Variants in CELF2 observed in about 807,000 individuals in gnomAD.
The protein encoded by CELF2 is CUGBP Elav-like family member 2, also known as CUG triplet repeat RNA-binding protein 2.
A neutral mutation model predicts 62.6 loss-of-function variants in CELF2; 8 were observed. The ratio of observed to expected loss-of-function variants is 0.13; its 90% CI spans 0.07 to 0.23. The LOEUF (loss-of-function observed/expected upper bound fraction) is 0.23. Ranked by LOEUF, CELF2 falls within the 10% of genes least tolerant of loss-of-function variation. The pLI is 1.00. For missense variants in CELF2, 333 were observed against 671.0 expected, an observed-to-expected ratio of 0.50 and a Z score of 5.56; for synonymous variants, 258 against 250.0, an observed-to-expected ratio of 1.03 and a Z score of -0.30.
At chr10:10,533,085 T>C in the CELF2 span, among the ~76,000 whole-genome samples, 1 of 152,208 alleles carries the variant, frequency 6.6e-6, no homozygotes, top group Non-Finnish European at 1.5e-5. Context: ...TGCAGATGGC[T>C]AAATTATGCT....
In CELF2 at chr10:11,280,989, CGTGT is replaced by C. The variant is rs60798946; in HGVS notation, c.841+5898_841+5901del. On this transcript the variant is annotated intron_variant, in intron 8 of 12. Coordinates refer to ENST00000633077, the MANE Select transcript of CELF2 (RefSeq NM_001326342.2). The surrounding 1 kb of genome is among the most constrained non-coding windows in gnomAD (Gnocchi z 7.6). The stretch of plus-strand genomic sequence containing the variant: ...TGGCGTGCGTGTGCATGCCTGTGTG[CGTGT>C]GTGTGTGTGTGTGTGTGTGTGTGTG... Among the ~76,000 whole-genome samples the C allele has an allele frequency of 0.012, 1,675 of 144,498 alleles. 14 individuals are homozygous for C. Among genetic ancestry groups the C allele is most frequent in the African/African-American group, 0.025 (955 of 38,956 alleles). The allele number at this position is 144,498 out of a possible 152,430, so 94.8% of individuals were successfully genotyped here. A position where few individuals can be genotyped will look rare whatever the true frequency, so the allele number is the denominator to read the frequency against.
intron 1 of CELF2, among the ~76,000 whole-genome samples, chr10:10,805,696 G>A (rs771227645): frequency 2.0e-5 from 3 of 152,126 alleles, no homozygotes; most frequent in Non-Finnish European, 2.9e-5. Flanking sequence ...AGCTCAAGGT[G>A]GAGGCCTAGT....
chr10:11,258,874 T>G (rs1485057105), intron 5 of CELF2, among the ~76,000 whole-genome samples: 1 of 152,210 alleles, frequency 6.6e-6, no homozygotes, highest in South Asian at 2.1e-4. Context: ...TTAGTAGACA[T>G]GGGGTTTCAC....
chr10:10,891,979 T>C (rs897567259), intron 1 of CELF2, among the ~76,000 whole-genome samples: 1 of 152,178 alleles, frequency 6.6e-6, no homozygotes, highest in Non-Finnish European at 1.5e-5. Context: ...TTGCAAGGCT[T>C]ATTCTTTAAA....
chr10:11,143,479 C>T (rs114166336), intron 1 of CELF2, among the ~76,000 whole-genome samples: 1,776 of 152,284 alleles, frequency 0.012, 27 homozygotes, highest in African/African-American at 0.04. Flanking sequence ...ACGGACCCTT[C>T]CAGGCCAGAC....
intron 1 of CELF2, chr10:11,097,316 G>A (rs757053912): frequency 3.9e-5 from 6 of 152,150 alleles, no homozygotes; most frequent in African/African-American, 1.4e-4. Context: ...TTTCCTTTGC[G>A]TAGTTATTCA....
chr10:10,720,601 C>G, the CELF2 span, among the ~76,000 whole-genome samples: 1 of 152,034 alleles, frequency 6.6e-6, no homozygotes, highest in African/African-American at 2.4e-5. Context: ...ATCATCACAG[C>G]CTATAGCGAA....
intron 2 of CELF2, among the ~76,000 whole-genome samples, chr10:10,924,268 C>A (rs1452796606): frequency 1.9e-5 from 2 of 104,940 alleles, no homozygotes; most frequent in Non-Finnish European, 3.4e-5. Context: ...GGCAACACAG[C>A]GAGACTCCGT....
At chr10:10,748,770 A>AG in the CELF2 span, among the ~76,000 whole-genome samples, 1 of 150,626 alleles carries the variant, frequency 6.6e-6, no homozygotes. Flanking sequence ...AAAAAAAAAA[A>AG]AAAGAATTCT....
At chr10:11,200,997 C>T (rs908964220) in intron 2 of CELF2, among the ~76,000 whole-genome samples, 3 of 152,194 alleles carry the variant, frequency 2.0e-5, no homozygotes, top group Non-Finnish European at 4.4e-5. Context: ...AAAAGGTGTT[C>T]TCATCAAGAA....
the CELF2 span, among the ~76,000 whole-genome samples, chr10:10,616,295 G>GGGGTGTGT: frequency 2.7e-4 from 39 of 143,958 alleles, no homozygotes; most frequent in African/African-American, 8.9e-4. Flanking sequence ...TTTTGTTTGG[G>GGGGTGTGT]GTGTGTGTGT....
intron 2 of CELF2, among the ~76,000 whole-genome samples, chr10:10,935,846 T>C (rs1203314151): frequency 6.6e-6 from 1 of 152,138 alleles, no homozygotes; most frequent in Non-Finnish European, 1.5e-5. Flanking sequence ...TGCCTTCTAG[T>C]TGACTTTTGT....
At chr10:10,711,484 A>G in the CELF2 span, among the ~76,000 whole-genome samples, 3 of 152,192 alleles carry the variant, frequency 2.0e-5, no homozygotes, top group Non-Finnish European at 4.4e-5. Flanking sequence ...TCCAGTCTCC[A>G]AAGTCCATTC....
intron 1 of CELF2, among the ~76,000 whole-genome samples, chr10:10,915,131 T>TAA (rs11358531): frequency 7.4e-6 from 1 of 135,866 alleles, no homozygotes; most frequent in Non-Finnish European, 1.6e-5. Context: ...AACTTTATTT[T>TAA]AAAAAAAAAA....
intron 1 of CELF2, among the ~76,000 whole-genome samples, chr10:11,121,751 G>A (rs1223944020): frequency 1.3e-5 from 2 of 151,732 alleles, no homozygotes; most frequent in Non-Finnish European, 2.9e-5. Flanking sequence ...AAATGCTTTT[G>A]CTGTGTCTGT....
chr10:11,151,618 C>T (rs1353740397), intron 1 of CELF2, among the ~76,000 whole-genome samples: 1 of 152,058 alleles, frequency 6.6e-6, no homozygotes, highest in East Asian at 1.9e-4. Flanking sequence ...GAACCTGTGG[C>T]TCCAGAGAGC....
chr10:10,946,519 C>T (rs1321218689), intron 2 of CELF2: 1 of 152,544 alleles, frequency 6.6e-6, no homozygotes, highest in African/African-American at 2.4e-5. Flanking sequence ...TACCCCTTTT[C>T]TTTCCCTGCA....
chr10:11,273,963 TCC>T (rs1327067763), intron 7 of CELF2, among the ~76,000 whole-genome samples: 1 of 16,768 alleles, frequency 6.0e-5, no homozygotes, highest in African/African-American at 1.3e-4. Flanking sequence ...CCTCAAGTGA[TCC>T]CCACCCCCCC....
At chr10:10,649,794 A>G in the CELF2 span, among the ~76,000 whole-genome samples, 2 of 152,186 alleles carry the variant, frequency 1.3e-5, no homozygotes, top group African/African-American at 4.8e-5. Context: ...TAGTGTAGGT[A>G]AACTGAAAAT....
Sources: allele counts gnomAD v4.1 joint callset (sites outside exome capture counted in the v4.1 genomes callset), GRCh38; gene constraint gnomAD v4.1.1; non-coding constraint Gnocchi (gnomAD v3.1); transcripts MANE v1.5; gene names NCBI Gene and HGNC (gene_info 2026-07-23, HGNC 2026-07-21).